Variants in CDH2 observed in about 807,000 individuals in gnomAD.
The protein encoded by CDH2 is cadherin 2, also known as cadherin-2.
A neutral mutation model predicts 92.0 loss-of-function variants in CDH2; 17 were observed. The ratio of observed to expected loss-of-function variants is 0.18; its 90% CI spans 0.13 to 0.28. The LOEUF (loss-of-function observed/expected upper bound fraction) is 0.28, where lower values mean the gene tolerates loss of function less well. CDH2 is among the 10% of genes least tolerant of loss of function. CDH2 has a pLI of 1.00. For synonymous variants in CDH2, 419 were observed against 415.9 expected (o/e 1.01, Z -0.09); for missense variants, 862 against 1,133.1 (o/e 0.76, Z 3.44).
At chr18:28,121,358 C>T (rs755683933) in intron 2 of CDH2, among the ~76,000 whole-genome samples, 7 of 152,104 alleles carry the variant, frequency 4.6e-5, no homozygotes, top group Non-Finnish European at 8.8e-5. Flanking sequence ...CATTATGTCT[C>T]ATTTTTCTTG....
chr18:27,958,768 T>C (rs929492648), intron 15 of CDH2, among the ~76,000 whole-genome samples: 14 of 152,228 alleles, frequency 9.2e-5, no homozygotes, highest in East Asian at 5.8e-4. Flanking sequence ...TGGGAGGTAA[T>C]TGAATCATGG....
intron 2 of CDH2, among the ~76,000 whole-genome samples, chr18:28,094,503 A>G (rs2015090981): frequency 6.6e-6 from 1 of 151,332 alleles, no homozygotes; most frequent in Admixed American, 6.6e-5. Flanking sequence ...AAACAAAACA[A>G]AACAAAAAAA....
chr18:28,053,305 AT>A lies in CDH2; in HGVS notation c.173-39397del, dbSNP rs200185121. On this transcript the variant is annotated intron_variant, in intron 2 of 15. Transcript: ENST00000269141. ...AACCAGGCAAGTTAGTAAAACCTTA[AT>A]TTTTTAATAAGTATTAGACATTTTT... is the stretch of plus-strand genomic sequence containing the variant. Among the ~76,000 whole-genome samples, 216 of 152,278 alleles carry A rather than the reference AT, an allele frequency of 1.4e-3. 5 individuals carry two copies. The East Asian group carries it at 0.037, about 26-fold the overall frequency.
At chr18:28,135,931 C>G (rs1348620709) in intron 2 of CDH2, among the ~76,000 whole-genome samples, 2 of 152,184 alleles carry the variant, frequency 1.3e-5, no homozygotes, top group Admixed American at 6.5e-5. Context: ...TAATTGTTAG[C>G]TGGGCACTGG....
At chr18:28,032,969 T>G (rs2156605) in intron 2 of CDH2, among the ~76,000 whole-genome samples, 25,791 of 152,028 alleles carry the variant, frequency 0.17, 2,458 homozygotes, top group South Asian at 0.3. Context: ...GGAAAGGGCT[T>G]AAAAATAAGT....
rs562719476 is a variant in CDH2 at position 28,140,299 on chromosome 18, A to G, written c.172+7374T>C. 3.1e-3 allele frequency among the ~76,000 whole-genome samples: 469 copies of G among 152,144 alleles called. 3 individuals are homozygous for G. The highest frequency in any genetic ancestry group is 0.011 in the African/African-American group (451 of 41,546). The stretch of plus-strand genomic sequence containing the variant: ...AAAAGCAAGAGTAACCAGACAAAAA[A>G]CAGGTAGGTTGAACTTCATTAAAAT... On this transcript the variant is annotated intron_variant, in intron 2 of 15. Coordinates refer to ENST00000269141, the MANE Select transcript of CDH2 (RefSeq NM_001792.5).
chr18:28,057,056 C>A (rs2014306519), intron 2 of CDH2, among the ~76,000 whole-genome samples: 1 of 152,064 alleles, frequency 6.6e-6, no homozygotes, highest in South Asian at 2.1e-4. Flanking sequence ...GATCTTTAAC[C>A]AGGACCATTT....
intron 2 of CDH2, among the ~76,000 whole-genome samples, chr18:28,069,802 T>C (rs1470083617): frequency 6.6e-6 from 1 of 152,058 alleles, no homozygotes; most frequent in Non-Finnish European, 1.5e-5. Context: ...AGAGCTGACA[T>C]TGCAACTTTT....
chr18:28,151,368 T>C (rs1013824162), intron 1 of CDH2, among the ~76,000 whole-genome samples: 5 of 152,164 alleles, frequency 3.3e-5, no homozygotes, highest in African/African-American at 1.2e-4. Flanking sequence ...GTTTCTGGCA[T>C]TTTCTCTTTT....
rs73945080 is a variant in CDH2 at position 27,961,148 on chromosome 18, T to C, written c.2514+2209A>G. ...GTAGGATGAAAGGCTCTAGACTCAG[T>C]ATCCATTGAATCTCAATCAGATGTA... On this transcript the variant is annotated intron_variant, in intron 15 of 15. Coordinates refer to ENST00000269141, the MANE Select transcript of CDH2 (RefSeq NM_001792.5). Among the ~76,000 whole-genome samples, 1,362 of 152,064 alleles carry C rather than the reference T, an allele frequency of 9.0e-3. 16 individuals carry two copies. Among genetic ancestry groups the C allele is most frequent in the African/African-American group, 0.031 (1,286 of 41,470 alleles).
intron 2 of CDH2, among the ~76,000 whole-genome samples, chr18:28,042,729 A>G (rs2013972116): frequency 6.6e-6 from 1 of 152,200 alleles, no homozygotes; most frequent in Non-Finnish European, 1.5e-5. Context: ...TTAAGGATTT[A>G]AAAGTACAAT....
intron 14 of CDH2, among the ~76,000 whole-genome samples, chr18:27,971,535 G>A (rs1345782945): frequency 6.6e-6 from 1 of 152,138 alleles, no homozygotes; most frequent in Admixed American, 6.5e-5. Context: ...CATATGCACA[G>A]TGAAAGTATT....
At chr18:28,126,694 C>T (rs1247393749) in intron 2 of CDH2, among the ~76,000 whole-genome samples, 1 of 152,088 alleles carries the variant, frequency 6.6e-6, no homozygotes, top group African/African-American at 2.4e-5. Context: ...GAGTGAGTGC[C>T]TGCTATCCAT....
chr18:28,173,680 G>A (rs2016496655), intron 1 of CDH2, among the ~76,000 whole-genome samples: 1 of 152,014 alleles, frequency 6.6e-6, no homozygotes, highest in Non-Finnish European at 1.5e-5. Context: ...TTAAAATACT[G>A]TCCTAGATGC....
intron 1 of CDH2, among the ~76,000 whole-genome samples, chr18:28,169,416 G>A (rs1025837246): frequency 1.3e-5 from 2 of 152,076 alleles, no homozygotes; most frequent in African/African-American, 2.4e-5. Flanking sequence ...GGAGAAAAGA[G>A]TCATTTTACA....
intron 7 of CDH2, among the ~76,000 whole-genome samples, chr18:28,002,213 T>C (rs766738705): frequency 6.6e-6 from 1 of 152,048 alleles, no homozygotes; most frequent in African/African-American, 2.4e-5. Context: ...AAGATCAAGA[T>C]AAAGGTGCAA....
At chr18:28,047,840 G>C (rs1865907798) in intron 2 of CDH2, among the ~76,000 whole-genome samples, 1 of 122,584 alleles carries the variant, frequency 8.2e-6, no homozygotes, top group African/African-American at 3.2e-5. Context: ...CTGCACTCCA[G>C]CCTGAACAAC....
At chr18:27,983,637 G>T (rs926314754) in intron 13 of CDH2, among the ~76,000 whole-genome samples, 2 of 152,182 alleles carry the variant, frequency 1.3e-5, no homozygotes, top group African/African-American at 4.8e-5. Flanking sequence ...GCATGTTTCA[G>T]CTAAGAAAGC....
chr18:28,138,082 C>T (rs1598501046), intron 2 of CDH2, among the ~76,000 whole-genome samples: 1 of 151,910 alleles, frequency 6.6e-6, no homozygotes, highest in African/African-American at 2.4e-5. Context: ...ATCAATTTGA[C>T]AGCTTATGTC....
Sources: gnomAD v4.1 joint callset for allele counts (sites outside exome capture counted in the v4.1 genomes callset) on GRCh38, gnomAD v4.1.1 for gene constraint, MANE v1.5 for transcripts, NCBI Gene and HGNC (gene_info 2026-07-23, HGNC 2026-07-21) for gene names.